DCAKD: variants seen among roughly 807,000 people sequenced by gnomAD.
DCAKD encodes dephospho-CoA kinase domain containing.
Under a neutral mutation model 18.7 loss-of-function variants are expected in DCAKD, and 15 were observed. The observed-to-expected ratio is 0.80, with a 90% CI of 0.54 to 1.24. The LOEUF (loss-of-function observed/expected upper bound fraction) is 1.24. Among genes scored for constraint, DCAKD ranks in the 50% most tolerant of loss-of-function variants. DCAKD has a pLI of 0.00. For missense variants in DCAKD, 301 were observed against 322.0 expected (o/e 0.93, Z 0.50); for synonymous variants, 130 against 133.0 (o/e 0.98, Z 0.16).
chr17:45,051,332 C>T (rs1417097757), intron 1 of DCAKD, 29 bp downstream of exon 1: 2 of 152,244 alleles, frequency 1.3e-5, no homozygotes, highest in Non-Finnish European at 2.9e-5. Flanking sequence ...GCTGTCAAGA[C>T]AATGGGCCGT....
At position 45,031,688 on chromosome 17, in the gene DCAKD, C is replaced by T. The variant is rs891494333; in HGVS notation, c.317-1509G>A. ...TTCCTCTCCCCTTGCTGTCCTTTCT[C>T]CGGCCCCTCTGGGGAGTACGTGGTC... On this transcript the variant is annotated intron_variant, in intron 3 of 4. Coordinates refer to ENST00000651974, the MANE Select transcript of DCAKD (RefSeq NM_001288655.2). The T allele has an allele frequency of 2.2e-5, 22 of 985,306 alleles. No individual in the cohort carries two copies. The African/African-American group carries it at 3.8e-4, about 17-fold the overall frequency. 61.0% of individuals were successfully genotyped at this position (985,306 alleles called of 1,614,324 possible).
rs138565249 is a variant in DCAKD at position 45,043,146 on chromosome 17, T to C, written c.-114-8147A>G. On this transcript the variant is annotated intron_variant, in intron 1 of 4. Coordinates refer to ENST00000651974, the MANE Select transcript of DCAKD (RefSeq NM_001288655.2). ...TAATTCAGCATCCTGAGCTTCTCTT[T>C]CCTTGAGTATAAAATAGGATTTGCG... 2.9e-3 allele frequency among the ~76,000 whole-genome samples: 438 copies of C among 152,106 alleles called. 8 individuals are homozygous for C. Among genetic ancestry groups the C allele is most frequent in the Admixed American group, 0.019 (293 of 15,246 alleles).
chr17:45,024,602 A>C lies in DCAKD; in HGVS notation c.527T>G (p.Leu176Arg). 2.5e-6 allele frequency: 4 copies of C among 1,614,114 alleles called. No homozygotes were observed. The highest frequency in any genetic ancestry group is 3.4e-6 in the Non-Finnish European group (4 of 1,179,972). The part of the protein sequence containing the change: ...TDKARMARHV[L>R]DNSGEWSVTK... ...GACACTCCACTCGCCCGAGTTGTCT[A>C]GGACATGGCGGGCCATGCGGGCCTT... The change falls in exon 5 of 5, where the codon CTA (leucine) becomes CGA (arginine). Residue 176 changes from leucine to arginine, a missense_variant. Leu to Arg is a moderately radical substitution (Grantham distance 102). Transcript: ENST00000651974.
chr17:45,042,780 C>T (rs1168051888), intron 1 of DCAKD, among the ~76,000 whole-genome samples: 1 of 152,180 alleles, frequency 6.6e-6, no homozygotes, highest in Admixed American at 6.5e-5. Flanking sequence ...GTGGGCTAGG[C>T]CCATTAAGCC....
intron 1 of DCAKD, among the ~76,000 whole-genome samples, chr17:45,040,810 T>C (rs1264728288): frequency 6.6e-6 from 1 of 152,296 alleles, no homozygotes; most frequent in African/African-American, 2.4e-5. Flanking sequence ...CAGATTCTAT[T>C]GTGCTCCACA....
intron 3 of DCAKD, chr17:45,031,866 C>T (rs1399205661): frequency 2.0e-6 from 2 of 985,244 alleles, no homozygotes; most frequent in African/African-American, 1.7e-5. Context: ...TTGATTATAC[C>T]AACTTTGACA....
Position 45,034,914 on chromosome 17 carries a change from C to CCCAAAAATGGAAGTGAGGATAGTGA in DCAKD, c.-30_-29insTCACTATCCTCACTTCCATTTTTGG. 6.2e-7 allele frequency: 1 copy of CCCAAAAATGGAAGTGAGGATAGTGA among 1,611,156 alleles called. No homozygotes were observed. Among genetic ancestry groups the CCCAAAAATGGAAGTGAGGATAGTGA allele is most frequent in the Non-Finnish European group, 8.5e-7 (1 of 1,177,872 alleles). Reference sequence around the variant, plus strand: ...CCAGGAAAGAGAGCTGTCCGCGAGACTACGGAGCCAGGAGCTACAGAATCA... The same window carrying CCCAAAAATGGAAGTGAGGATAGTGA: ...CCAGGAAAGAGAGCTGTCCGCGAGACCCAAAAATGGAAGTGAGGATAGTGATACGGAGCCAGGAGCTACAGAATCA... On this transcript the variant is annotated 5_prime_UTR_variant, in exon 2 of 5. Transcript: ENST00000651974.
chr17:45,058,206 C>G (rs1445126918), intron 1 of DCAKD, among the ~76,000 whole-genome samples: 1 of 150,608 alleles, frequency 6.6e-6, no homozygotes, highest in Non-Finnish European at 1.5e-5. Flanking sequence ...TCCCAGCTAC[C>G]GGGGAGGCTG....
upstream of DCAKD, among the ~76,000 whole-genome samples, chr17:45,053,514 C>T (rs1050342847): frequency 4.6e-5 from 7 of 152,142 alleles, no homozygotes; most frequent in East Asian, 1.9e-4. Context: ...CTCTACCTCC[C>T]GGGTTCAAGC....
At chr17:45,036,472 C>A (rs911043882) in intron 1 of DCAKD, among the ~76,000 whole-genome samples, 1 of 151,946 alleles carries the variant, frequency 6.6e-6, no homozygotes, top group Non-Finnish European at 1.5e-5. Flanking sequence ...GCGGAGATTG[C>A]GCCCCTGCAC....
chr17:45,045,983 C>A (rs1323857132), intron 1 of DCAKD, among the ~76,000 whole-genome samples: 4 of 151,768 alleles, frequency 2.6e-5, no homozygotes, highest in African/African-American at 7.3e-5. Context: ...GCCACCACGC[C>A]CAGCTAATTT....
intron 1 of DCAKD, among the ~76,000 whole-genome samples, chr17:45,040,608 T>C (rs1567842111): frequency 6.6e-6 from 1 of 152,084 alleles, no homozygotes; most frequent in Non-Finnish European, 1.5e-5. Flanking sequence ...ATGGGATTCA[T>C]CAGCCAAGGA....
chr17:45,029,265 C>T (rs973416346), intron 4 of DCAKD, among the ~76,000 whole-genome samples: 2 of 152,184 alleles, frequency 1.3e-5, no homozygotes, highest in African/African-American at 4.8e-5. Flanking sequence ...CCATGGGGAC[C>T]CAGGGGGAAA....
chr17:45,061,040 C>T, exon 1 of DCAKD: 2 of 1,189,676 alleles, frequency 1.7e-6, no homozygotes, highest in Non-Finnish European at 2.1e-6. Context: ...TCATGCCAGG[C>T]GGCCGCCCGG....
chr17:45,050,295 C>G (rs2053664499), intron 1 of DCAKD, among the ~76,000 whole-genome samples: 1 of 152,054 alleles, frequency 6.6e-6, no homozygotes, highest in Non-Finnish European at 1.5e-5. Flanking sequence ...CCACCCTCCT[C>G]AACCTACCAA....
At chr17:45,060,545 G>GAA (rs1175156655) in intron 1 of DCAKD, among the ~76,000 whole-genome samples, 1 of 151,892 alleles carries the variant, frequency 6.6e-6, no homozygotes, top group Non-Finnish European at 1.5e-5. Flanking sequence ...GAAAAGAAAA[G>GAA]AAAAAAAGGG....
At chr17:45,029,153 G>C (rs1164640552) in intron 4 of DCAKD, among the ~76,000 whole-genome samples, 1 of 152,280 alleles carries the variant, frequency 6.6e-6, no homozygotes, top group African/African-American at 2.4e-5. Context: ...AGAGGCTGCA[G>C]GTTTACTCAC....
chr17:45,032,138 T>G, intron 3 of DCAKD: 6 of 985,296 alleles, frequency 6.1e-6, no homozygotes, highest in Non-Finnish European at 7.2e-6. Context: ...TGGGAGAGAA[T>G]GCAGAAAGGG....
In DCAKD at chr17:45,034,309, T is replaced by C. The variant is rs760084683; in HGVS notation, c.194A>G (p.Asn65Ser). The C allele has an allele frequency of 2.5e-6, 4 of 1,614,070 alleles. No individual in the cohort carries two copies. In the South Asian group the frequency reaches 3.3e-5, roughly 13 times the overall value. Residue 65 changes from asparagine (N) to serine (S), a missense_variant, in exon 3 of 5, where the codon AAT becomes AGT. By Grantham distance (46) the Asn-to-Ser change is conservative. Transcript: ENST00000651974. Reference protein sequence around the residue: ...TEVLLENGDINRKVLGDLIFN... With the variant: ...TEVLLENGDISRKVLGDLIFN... ...GATCAGGTCCCCCAGGACCTTGCGATTTATGTCGCCGTTCTCCAGCAAGAC... is the reference window on the plus strand; with the variant it reads ...GATCAGGTCCCCCAGGACCTTGCGACTTATGTCGCCGTTCTCCAGCAAGAC...
Sources: gnomAD v4.1 joint callset for allele counts (sites outside exome capture counted in the v4.1 genomes callset) on GRCh38, gnomAD v4.1.1 for gene constraint, MANE v1.5 for transcripts, NCBI Gene and HGNC (gene_info 2026-07-23, HGNC 2026-07-21) for gene names.